The following CEP85L variants were observed in gnomAD, a reference collection of about 807,000 sequenced individuals.
CEP85L encodes centrosomal protein 85L.
CEP85L carries 60 observed loss-of-function variants against 100.3 expected under a neutral mutation model. The observed-to-expected ratio is 0.60, with a 90% CI of 0.49 to 0.74. The LOEUF is 0.74. CEP85L is among the 30% of genes least tolerant of loss of function. CEP85L has a pLI of 0.00. For synonymous variants in CEP85L, 319 were observed against 322.7 expected, an observed-to-expected ratio of 0.99 and a Z score of 0.12; for missense variants, 973 against 936.2, an observed-to-expected ratio of 1.04 and a Z score of -0.51.
At chr6:118,501,868 T>C in intron 5 of CEP85L, 1 of 1,283,694 alleles carries the variant, frequency 7.8e-7, no homozygotes, top group Non-Finnish European at 1.1e-6. Context: ...CCTTCAAGAG[T>C]CCCAGCAAAG....
intron 1 of CEP85L, among the ~76,000 whole-genome samples, chr6:118,642,767 T>A (rs1035198485): frequency 6.6e-6 from 1 of 151,828 alleles, no homozygotes; most frequent in Non-Finnish European, 1.5e-5. Context: ...TATATATATA[T>A]AATAAATTAG....
At chr6:118,600,399 C>T (rs993619824) in intron 2 of CEP85L, among the ~76,000 whole-genome samples, 5 of 142,180 alleles carry the variant, frequency 3.5e-5, no homozygotes, top group Non-Finnish European at 7.6e-5. Context: ...CAGCTCACTG[C>T]AACCTCCGCC....
intron 3 of CEP85L, chr6:118,558,925 G>C (rs758364608): frequency 6.2e-7 from 1 of 1,613,674 alleles, no homozygotes; most frequent in Non-Finnish European, 8.5e-7. Flanking sequence ...TGGTATCATG[G>C]AGAAAGTCCA....
chr6:118,501,701 A>G (rs1775312582), intron 5 of CEP85L: 1 of 687,456 alleles, frequency 1.5e-6, no homozygotes, highest in Non-Finnish European at 2.7e-6. Context: ...CCAGGAAAAA[A>G]TTCAGAGCCT....
At chr6:118,572,845 T>C (rs1779987584) in intron 2 of CEP85L, among the ~76,000 whole-genome samples, 3 of 151,852 alleles carry the variant, frequency 2.0e-5, no homozygotes. Flanking sequence ...GCAGATCACC[T>C]GAGGTCAGGA....
intron 2 of CEP85L, among the ~76,000 whole-genome samples, chr6:118,569,762 T>C (rs902611007): frequency 1.3e-5 from 2 of 151,296 alleles, no homozygotes; most frequent in East Asian, 1.9e-4. Context: ...CCCATACATA[T>C]AAAGAGCTTC....
intron 5 of CEP85L, among the ~76,000 whole-genome samples, chr6:118,506,559 A>G (rs1450398474): frequency 1.3e-5 from 2 of 152,304 alleles, no homozygotes; most frequent in African/African-American, 4.8e-5. Flanking sequence ...TGCTGGCCAA[A>G]TATTTTAATT....
chr6:118,577,937 A>G (rs558418006), intron 2 of CEP85L, among the ~76,000 whole-genome samples: 37 of 152,328 alleles, frequency 2.4e-4, no homozygotes, highest in African/African-American at 8.7e-4. Context: ...GCTTATAGAA[A>G]AAGCCTTCAC....
At chr6:118,661,372 G>C (rs1205862078) in intron 1 of CEP85L, among the ~76,000 whole-genome samples, 1 of 151,902 alleles carries the variant, frequency 6.6e-6, no homozygotes, top group Non-Finnish European at 1.5e-5. Flanking sequence ...ATTTTTTCTT[G>C]TGCCTTGAAA....
At chr6:118,506,026 T>G (rs1022525726) in intron 5 of CEP85L, among the ~76,000 whole-genome samples, 10 of 152,152 alleles carry the variant, frequency 6.6e-5, no homozygotes, top group African/African-American at 2.4e-4. Context: ...CCCATTCAAT[T>G]TTGTAGTAAA....
At chr6:118,473,697 C>T (rs768692987) in intron 10 of CEP85L, among the ~76,000 whole-genome samples, 3 of 151,960 alleles carry the variant, frequency 2.0e-5, no homozygotes, top group Non-Finnish European at 4.4e-5. Context: ...GAAGAAATAA[C>T]CCAGATGAGA....
intron 1 of CEP85L, among the ~76,000 whole-genome samples, chr6:118,699,166 C>A (rs1336481862): frequency 6.6e-6 from 1 of 152,066 alleles, no homozygotes; most frequent in Non-Finnish European, 1.5e-5. Flanking sequence ...CAGAAGGGCA[C>A]CATGGGCCAG....
chr6:118,516,397 C>A (rs986312945), intron 4 of CEP85L, among the ~76,000 whole-genome samples: 7 of 152,356 alleles, frequency 4.6e-5, no homozygotes, highest in African/African-American at 1.7e-4. Flanking sequence ...TATCTCTCCA[C>A]ATCCTCTCCA....
At chr6:118,521,679 A>G (rs1268969842) in intron 4 of CEP85L, among the ~76,000 whole-genome samples, 1 of 152,132 alleles carries the variant, frequency 6.6e-6, no homozygotes, top group Non-Finnish European at 1.5e-5. Flanking sequence ...ATTCTTTCTT[A>G]GAATCCCACC....
chr6:118,642,777 G>A (rs951652903), intron 1 of CEP85L, among the ~76,000 whole-genome samples: 1 of 151,964 alleles, frequency 6.6e-6, no homozygotes, highest in Non-Finnish European at 1.5e-5. Context: ...TAATAAATTA[G>A]TCCAGCATGG....
At chr6:118,693,331 C>T (rs1236006242) in intron 1 of CEP85L, among the ~76,000 whole-genome samples, 2 of 152,158 alleles carry the variant, frequency 1.3e-5, no homozygotes, top group Non-Finnish European at 1.5e-5. Flanking sequence ...TTAAAGAGAG[C>T]TATTTTCCTC....
chr6:118,675,450 C>A (rs1309756166), intron 1 of CEP85L, among the ~76,000 whole-genome samples: 1 of 151,868 alleles, frequency 6.6e-6, no homozygotes, highest in Non-Finnish European at 1.5e-5. Context: ...AAGGTACAAC[C>A]ATTAAAAACC....
In CEP85L at chr6:118,465,447, G is replaced by C. The variant is rs1269109874; in HGVS notation, c.2376C>G (p.Asp792Glu). Residue 792 changes from aspartate to glutamate, a missense_variant, in exon 13 of 13, where the codon GAC becomes GAG. Asp to Glu is a conservative substitution (Grantham distance 45). This residue lies in a region of CEP85L where 890 missense variants were observed against 844.5 expected (regional missense o/e 1.05). Coordinates refer to ENST00000368491, the MANE Select transcript of CEP85L (RefSeq NM_001042475.3). ...DIDELRTTIS[D>E]RYAQDMGDNC... ...TGTCTCCCATGTCCTGAGCATAGCG[G>C]TCTGATATTGTAGTCCTTAATTCAT... 6.2e-7 allele frequency: 1 copy of C among 1,613,514 alleles called. No individual in the cohort carries two copies. The highest frequency in any genetic ancestry group is 1.7e-5 in the Admixed American group (1 of 59,990).
intron 2 of CEP85L, among the ~76,000 whole-genome samples, chr6:118,602,218 A>G (rs1158110555): frequency 6.6e-6 from 1 of 152,204 alleles, no homozygotes; most frequent in Admixed American, 6.5e-5. Flanking sequence ...AAGCACCAGT[A>G]TGGTAAGGTC....
Sources: allele counts gnomAD v4.1 joint callset (sites outside exome capture counted in the v4.1 genomes callset), GRCh38; gene constraint gnomAD v4.1.1; regional missense constraint gnomAD v4.1.1; transcripts MANE v1.5; gene names NCBI Gene and HGNC (gene_info 2026-07-23, HGNC 2026-07-21).